Variants in MAF observed in about 807,000 individuals in gnomAD.
MAF encodes the protein MAF bZIP transcription factor.
Under a neutral mutation model 22.0 loss-of-function variants are expected in MAF, and 10 were observed. The ratio of observed to expected loss-of-function variants is 0.45; its 90% CI spans 0.28 to 0.77. MAF has a LOEUF of 0.77. Ranked by LOEUF, MAF falls within the 30% of genes least tolerant of loss-of-function variation. MAF has a pLI of 0.12. For missense variants in MAF, 544 were observed against 548.4 expected (o/e 0.99, Z 0.08); for synonymous variants, 337 against 255.8 (o/e 1.32, Z -3.03).
chr16:79,522,628 T>A, the MAF span, among the ~76,000 whole-genome samples: 277 of 152,262 alleles, frequency 1.8e-3, no homozygotes, highest in Non-Finnish European at 3.5e-3. Flanking sequence ...AGTTCATGCA[T>A]CCAAAGGCAA....
At chr16:79,454,596 C>T in the MAF span, among the ~76,000 whole-genome samples, 565 of 152,194 alleles carry the variant, frequency 3.7e-3, 3 homozygotes, top group African/African-American at 0.013. Context: ...GCCCATTTCC[C>T]CTAAAGGAAA....
chr16:79,432,166 T>C, the MAF span, among the ~76,000 whole-genome samples: 1 of 152,110 alleles, frequency 6.6e-6, no homozygotes, highest in Non-Finnish European at 1.5e-5. Context: ...TGAGTTCTCA[T>C]GAGATCTGAT....
chr16:79,405,682 T>G, the MAF span, among the ~76,000 whole-genome samples: 1 of 152,236 alleles, frequency 6.6e-6, no homozygotes. Context: ...CAGATCTAAG[T>G]TGTGACCTTA....
chr16:79,575,545 C>T, the MAF span, among the ~76,000 whole-genome samples: 1 of 152,162 alleles, frequency 6.6e-6, no homozygotes, highest in South Asian at 2.1e-4. Flanking sequence ...TAGCCAACCT[C>T]TGCTGAGGGT....
At chr16:79,447,390 T>TG in the MAF span, among the ~76,000 whole-genome samples, 6 of 151,996 alleles carry the variant, frequency 3.9e-5, no homozygotes, top group Admixed American at 6.6e-5. Context: ...GCAATGCACC[T>TG]GGTCATTCAA....
chr16:79,521,699 C>G, the MAF span, among the ~76,000 whole-genome samples: 150 of 152,316 alleles, frequency 9.8e-4, no homozygotes, highest in African/African-American at 3.3e-3. Context: ...TTGCTTTTGT[C>G]TCCGAGACTC....
the MAF span, among the ~76,000 whole-genome samples, chr16:79,482,906 C>G: frequency 8.9e-6 from 1 of 111,852 alleles, no homozygotes; most frequent in African/African-American, 3.5e-5. Flanking sequence ...CCCTCCCTAC[C>G]TCCTTCCTTC....
the MAF span, among the ~76,000 whole-genome samples, chr16:79,337,791 C>G: frequency 6.6e-6 from 1 of 152,292 alleles, no homozygotes; most frequent in Non-Finnish European, 1.5e-5. Context: ...TCGGACAGTG[C>G]TCTGTAAACT....
the MAF span, among the ~76,000 whole-genome samples, chr16:79,499,440 C>T: frequency 9.8e-5 from 15 of 152,302 alleles, 1 homozygote; most frequent in African/African-American, 2.6e-4. Flanking sequence ...CTATAGTAGG[C>T]GGAACGGTGG....
At chr16:79,481,130 A>T in the MAF span, among the ~76,000 whole-genome samples, 3 of 152,094 alleles carry the variant, frequency 2.0e-5, no homozygotes, top group Non-Finnish European at 4.4e-5. Context: ...CTGACAGCCC[A>T]TGTGTTGCTT....
At chr16:79,577,289 G>A in the MAF span, among the ~76,000 whole-genome samples, 3 of 152,122 alleles carry the variant, frequency 2.0e-5, no homozygotes, top group East Asian at 1.9e-4. Flanking sequence ...GGGCACCTGG[G>A]CTCCTACTAC....
chr16:79,524,127 A>T, the MAF span, among the ~76,000 whole-genome samples: 1 of 152,188 alleles, frequency 6.6e-6, no homozygotes, highest in East Asian at 1.9e-4. Flanking sequence ...AACTGCGCCC[A>T]TCAGCATCCC....
the MAF span, among the ~76,000 whole-genome samples, chr16:79,293,265 A>G: frequency 2.1e-4 from 32 of 152,230 alleles, no homozygotes; most frequent in Middle Eastern, 3.4e-3. Flanking sequence ...CCACCCCAAT[A>G]AGACTCCAAA....
chr16:79,366,285 C>T, the MAF span, among the ~76,000 whole-genome samples: 6 of 152,052 alleles, frequency 3.9e-5, no homozygotes, highest in Non-Finnish European at 8.8e-5. Flanking sequence ...GTCATGGTAC[C>T]AAATATCTGT....
At chr16:79,358,790 C>A in the MAF span, among the ~76,000 whole-genome samples, 23 of 152,308 alleles carry the variant, frequency 1.5e-4, no homozygotes, top group Non-Finnish European at 2.9e-4. Context: ...CAGTCTCCCA[C>A]CTCATTCTCT....
the MAF span, among the ~76,000 whole-genome samples, chr16:79,452,937 G>A: frequency 1.3e-5 from 2 of 152,188 alleles, no homozygotes; most frequent in African/African-American, 4.8e-5. Context: ...TTATATGAGC[G>A]AGGAATTAAT....
the MAF span, chr16:79,205,454 G>A: frequency 2.0e-5 from 3 of 152,210 alleles, no homozygotes; most frequent in South Asian, 2.1e-4. Context: ...CATTGTCCAC[G>A]TCTAATTTGT....
the MAF span, among the ~76,000 whole-genome samples, chr16:79,469,301 C>A: frequency 6.6e-6 from 1 of 152,116 alleles, no homozygotes; most frequent in African/African-American, 2.4e-5. Flanking sequence ...AATATCTGTC[C>A]CTTTACAGAA....
the MAF span, among the ~76,000 whole-genome samples, chr16:79,565,448 G>C: frequency 1.3e-5 from 2 of 151,986 alleles, no homozygotes. Context: ...ATATGGTTTC[G>C]CTGTGTCCCC....
Sources: allele counts gnomAD v4.1 joint callset (sites outside exome capture counted in the v4.1 genomes callset), GRCh38; gene constraint gnomAD v4.1.1; transcripts MANE v1.5; gene names NCBI Gene and HGNC (gene_info 2026-07-23, HGNC 2026-07-21).